The following NBEA variants were observed in gnomAD, a reference collection of about 807,000 sequenced individuals.
NBEA encodes the protein neurobeachin.
Under a neutral mutation model 343.4 loss-of-function variants are expected in NBEA, and 44 were observed. That is an observed-to-expected ratio of 0.13 (90% CI 0.10 to 0.16). NBEA has a LOEUF of 0.16. Ranked by LOEUF, NBEA falls within the 10% of genes least tolerant of loss-of-function variation. The probability of loss-of-function intolerance (pLI) is 1.00; values close to 1 mark genes in which losing one functional copy is unlikely to be tolerated. For missense variants in NBEA, 2,555 were observed against 3,631.3 expected (o/e 0.70, Z 7.62); for synonymous variants, 1,175 against 1,238.7 (o/e 0.95, Z 1.08).
intron 38 of NBEA, among the ~76,000 whole-genome samples, chr13:35,355,625 A>G (rs2152868784): frequency 6.6e-6 from 1 of 152,216 alleles, no homozygotes; most frequent in African/African-American, 2.4e-5. Context: ...GTGACTTATT[A>G]GGCCCTACAT....
intron 38 of NBEA, among the ~76,000 whole-genome samples, chr13:35,387,592 G>C (rs2042302744): frequency 6.6e-6 from 1 of 152,094 alleles, no homozygotes; most frequent in South Asian, 2.1e-4. Flanking sequence ...AACAGCACAG[G>C]AAAACAGGCT....
At chr13:35,087,217 A>G (rs2064819866) in intron 10 of NBEA, among the ~76,000 whole-genome samples, 1 of 151,726 alleles carries the variant, frequency 6.6e-6, no homozygotes, top group Non-Finnish European at 1.5e-5. Context: ...ACCATGAAAT[A>G]TTTGTACTGA....
chr13:35,245,042 C>T (rs901229957), intron 34 of NBEA, among the ~76,000 whole-genome samples: 1 of 151,940 alleles, frequency 6.6e-6, no homozygotes, highest in Non-Finnish European at 1.5e-5. Flanking sequence ...CAGCAAACAG[C>T]GACAGTTTGA....
intron 49 of NBEA, among the ~76,000 whole-genome samples, chr13:35,639,816 A>G (rs890741710): frequency 3.3e-5 from 5 of 152,148 alleles, no homozygotes; most frequent in African/African-American, 4.8e-5. Context: ...CTGAAAAACA[A>G]TTTAAAAGTT....
chr13:34,946,688 A>G (rs2059193824), intron 1 of NBEA, among the ~76,000 whole-genome samples: 1 of 150,168 alleles, frequency 6.7e-6, no homozygotes, highest in Non-Finnish European at 1.5e-5. Context: ...GTAGAAAATG[A>G]TATTTCCTCT....
At chr13:35,597,871 C>T (rs2081879474) in intron 47 of NBEA, among the ~76,000 whole-genome samples, 1 of 152,182 alleles carries the variant, frequency 6.6e-6, no homozygotes, top group Non-Finnish European at 1.5e-5. Context: ...TAGACACGGA[C>T]TCCACTTCCT....
chr13:34,992,238 G>A lies in NBEA; in HGVS notation c.295-48695G>A, dbSNP rs61469527. On this transcript the variant is annotated intron_variant, in intron 1 of 58. Transcript: ENST00000379939. Reference sequence around the variant, plus strand: ...TGTGTGTATATGTGTGTGTGTGTGTGTATATATATATATATATATATATAT... The same window carrying A: ...TGTGTGTATATGTGTGTGTGTGTGTATATATATATATATATATATATATAT... Among the ~76,000 whole-genome samples the A allele has an allele frequency of 1.8e-3, 214 of 122,118 alleles. 1 individual carries two copies. The highest frequency in any genetic ancestry group is 3.2e-3 in the African/African-American group (106 of 33,200). The allele number at this position is 122,118 out of a possible 152,430, so 80.1% of individuals were successfully genotyped here. A position where few individuals can be genotyped will look rare whatever the true frequency, so the allele number is the denominator to read the frequency against.
chr13:35,592,182 C>T (rs2081569488), intron 46 of NBEA, among the ~76,000 whole-genome samples: 1 of 152,074 alleles, frequency 6.6e-6, no homozygotes, highest in African/African-American at 2.4e-5. Context: ...AGGTTTTCTG[C>T]TATAGGAACA....
At chr13:35,465,579 G>A (rs2075355505) in intron 40 of NBEA, among the ~76,000 whole-genome samples, 1 of 152,114 alleles carries the variant, frequency 6.6e-6, no homozygotes, top group South Asian at 2.1e-4. Flanking sequence ...TACTCTTCCA[G>A]AAGGTGAAAA....
At chr13:35,402,006 A>G (rs542209250) in intron 38 of NBEA, among the ~76,000 whole-genome samples, 5 of 152,120 alleles carry the variant, frequency 3.3e-5, no homozygotes, top group East Asian at 1.9e-4. Flanking sequence ...TTAACATGTT[A>G]TCGTTATTAA....
chr13:35,409,901 T>C (rs1301582517), intron 38 of NBEA, among the ~76,000 whole-genome samples: 1 of 152,146 alleles, frequency 6.6e-6, no homozygotes, highest in East Asian at 1.9e-4. Flanking sequence ...TTTGATTTGG[T>C]TGATAACAAA....
intron 18 of NBEA, among the ~76,000 whole-genome samples, chr13:35,144,847 G>T (rs1254496368): frequency 6.6e-6 from 1 of 152,174 alleles, no homozygotes; most frequent in Admixed American, 6.5e-5. Flanking sequence ...TGGAACTGTT[G>T]TAATGTAAAA....
intron 24 of NBEA, among the ~76,000 whole-genome samples, chr13:35,165,839 C>A (rs1424483056): frequency 6.6e-6 from 1 of 151,884 alleles, no homozygotes; most frequent in Non-Finnish European, 1.5e-5. Context: ...TGTGCACCAC[C>A]ACACCCAGCT....
intron 39 of NBEA, among the ~76,000 whole-genome samples, chr13:35,435,178 C>G (rs146202514): frequency 2.3e-3 from 351 of 152,012 alleles, no homozygotes; most frequent in Non-Finnish European, 3.5e-3. Flanking sequence ...ACCCGGCTAA[C>G]TCTTTTGAAT....
intron 1 of NBEA, among the ~76,000 whole-genome samples, chr13:34,973,103 A>T (rs1443626286): frequency 6.6e-6 from 1 of 152,030 alleles, no homozygotes; most frequent in Non-Finnish European, 1.5e-5. Context: ...CGGGTTTTCC[A>T]GTACCTACCT....
intron 34 of NBEA, among the ~76,000 whole-genome samples, chr13:35,270,201 A>G (rs2034020146): frequency 6.6e-6 from 1 of 152,226 alleles, no homozygotes; most frequent in Non-Finnish European, 1.5e-5. Flanking sequence ...AATTCTACCA[A>G]TAAAACAACC....
At chr13:35,514,880 C>T (rs1181505740) in intron 41 of NBEA, among the ~76,000 whole-genome samples, 3 of 152,062 alleles carry the variant, frequency 2.0e-5, no homozygotes, top group Non-Finnish European at 1.5e-5. Context: ...CTTGTTCTGG[C>T]GGCATGACAA....
At chr13:35,592,500 C>T (rs772106024) in intron 46 of NBEA, among the ~76,000 whole-genome samples, 3 of 152,000 alleles carry the variant, frequency 2.0e-5, no homozygotes, top group Non-Finnish European at 4.4e-5. Flanking sequence ...GCCGTGGTAG[C>T]GCAAGGAAAG....
At position 35,295,761 on chromosome 13, in the gene NBEA, G is replaced by A. The variant is rs572341684; in HGVS notation, c.5838+5311G>A. Among the ~76,000 whole-genome samples, 238 of 152,022 alleles carry A rather than the reference G, an allele frequency of 1.6e-3. 1 individual carries two copies. Among genetic ancestry groups the A allele is most frequent in the African/African-American group, 5.5e-3 (230 of 41,480 alleles). ...ACAGAACAGATTGCAACAGGAAGAC[G>A]GGCTCTCTGTTATATGTTCAATTAC... On this transcript the variant is annotated intron_variant, in intron 35 of 58. Transcript: ENST00000379939.
Sources: allele counts gnomAD v4.1 joint callset (sites outside exome capture counted in the v4.1 genomes callset), GRCh38; gene constraint gnomAD v4.1.1; transcripts MANE v1.5; gene names NCBI Gene and HGNC (gene_info 2026-07-23, HGNC 2026-07-21).